Variants in THSD4 observed in about 807,000 individuals in gnomAD.
The protein encoded by THSD4 is thrombospondin type-1 domain-containing protein 4.
A neutral mutation model predicts 119.0 loss-of-function variants in THSD4; 69 were observed. That is an observed-to-expected ratio of 0.58 (90% CI 0.48 to 0.71). THSD4 has a LOEUF of 0.71. THSD4 is among the 30% of genes least tolerant of loss of function. The probability of loss-of-function intolerance (pLI) is 0.00; values close to 1 mark genes in which losing one functional copy is unlikely to be tolerated. For synonymous variants in THSD4, 524 were observed against 540.4 expected (o/e 0.97, Z 0.42); for missense variants, 1,393 against 1,391.1 (o/e 1.00, Z -0.02).
intron 1 of THSD4, among the ~76,000 whole-genome samples, chr15:71,109,073 T>C (rs2040286605): frequency 6.6e-6 from 1 of 152,142 alleles, no homozygotes; most frequent in African/African-American, 2.4e-5. Context: ...AATTCTGAGA[T>C]TTTTAAATAA....
In THSD4 at chr15:71,748,423, C is replaced by T; in HGVS notation, c.2244C>T (p.Cys748=). Reference sequence around the variant, plus strand: ...GACGTCAGTGTGCTGTGTTTCAGTGCTCGGTGCCCTGCGGCGTGGGACAGA... The same window carrying T: ...GACGTCAGTGTGCTGTGTTTCAGTGTTCGGTGCCCTGCGGCGTGGGACAGA... ...EWQIRTDWTS[C]SVPCGVGQRT... The change falls in exon 14 of 18, where the codon TGC becomes TGT. Residue 748 remains cysteine, a splice_region_variant and synonymous_variant. Transcript: ENST00000261862. 6.2e-7 allele frequency: 1 copy of T among 1,614,094 alleles called. No individual in the cohort carries two copies. The highest frequency in any genetic ancestry group is 8.5e-7 in the Non-Finnish European group (1 of 1,179,974).
intron 7 of THSD4, among the ~76,000 whole-genome samples, chr15:71,522,926 C>A (rs28735464): frequency 0.067 from 10,165 of 152,200 alleles, 1,038 homozygotes; most frequent in African/African-American, 0.22. Context: ...TGAACCACGG[C>A]AAAGGGGCAG....
chr15:71,577,822 G>A (rs536957098), intron 7 of THSD4, among the ~76,000 whole-genome samples: 110 of 151,394 alleles, frequency 7.3e-4, no homozygotes, highest in Non-Finnish European at 1.4e-3. Context: ...CTGAGTTCAC[G>A]TTATTCTTCT....
intron 7 of THSD4, among the ~76,000 whole-genome samples, chr15:71,533,332 C>T (rs78386597): frequency 0.066 from 10,049 of 152,240 alleles, 378 homozygotes; most frequent in Middle Eastern, 0.099. Flanking sequence ...CTTCTGATCA[C>T]TTTTTCTGTG....
intron 6 of THSD4, among the ~76,000 whole-genome samples, chr15:71,390,170 G>A (rs1184594514): frequency 6.6e-6 from 1 of 152,076 alleles, no homozygotes; most frequent in Non-Finnish European, 1.5e-5. Flanking sequence ...AACAAAGCAG[G>A]AAATGCTCAC....
chr15:71,638,134 A>C (rs1374570501), intron 7 of THSD4, among the ~76,000 whole-genome samples: 1 of 152,230 alleles, frequency 6.6e-6, no homozygotes, highest in Non-Finnish European at 1.5e-5. Flanking sequence ...TGCAGGAAGC[A>C]TCAAGCTTGG....
At chr15:71,617,403 T>C (rs538308489) in intron 7 of THSD4, among the ~76,000 whole-genome samples, 576 of 152,372 alleles carry the variant, frequency 3.8e-3, no homozygotes, top group Admixed American at 6.3e-3. Flanking sequence ...CATTGCCTTC[T>C]CTTTTTCTTC....
intron 7 of THSD4, among the ~76,000 whole-genome samples, chr15:71,483,443 T>C (rs1341117218): frequency 2.6e-5 from 4 of 152,160 alleles, no homozygotes; most frequent in Admixed American, 2.6e-4. Context: ...TCAGGGAGAA[T>C]GATGTTCTAA....
At chr15:71,126,669 G>A (rs977643997) in intron 1 of THSD4, among the ~76,000 whole-genome samples, 15 of 152,112 alleles carry the variant, frequency 9.9e-5, no homozygotes, top group Admixed American at 5.2e-4. Context: ...ACTTTGAAGC[G>A]GCCATCATAA....
At chr15:71,486,838 T>G (rs1369185018) in intron 7 of THSD4, among the ~76,000 whole-genome samples, 4 of 152,144 alleles carry the variant, frequency 2.6e-5, no homozygotes, top group Admixed American at 2.6e-4. Flanking sequence ...GCTAACCCCC[T>G]GGCTCAAGAG....
intron 8 of THSD4, among the ~76,000 whole-genome samples, chr15:71,706,788 T>C (rs1182972710): frequency 6.6e-6 from 1 of 152,170 alleles, no homozygotes; most frequent in Non-Finnish European, 1.5e-5. Context: ...CGCATGACCT[T>C]TGCAGGTGCG....
rs73431425 is a variant in THSD4 at position 71,160,030 on chromosome 15, G to A, written c.99+5098G>A. 7.9e-3 allele frequency among the ~76,000 whole-genome samples: 1,206 copies of A among 152,126 alleles called. 17 individuals are homozygous for A. The highest frequency in any genetic ancestry group is 0.027 in the African/African-American group (1,115 of 41,520). ...TTTGTTGACAGTTATTATCATGAAG[G>A]AATGTTGAATTTTGTCATTTGCTTT... is the stretch of plus-strand genomic sequence containing the variant. On this transcript the variant is annotated intron_variant, in intron 3 of 17. Coordinates refer to ENST00000261862, the MANE Select transcript of THSD4 (RefSeq NM_024817.3).
intron 7 of THSD4, among the ~76,000 whole-genome samples, chr15:71,658,220 A>G (rs530371502): frequency 9.9e-5 from 15 of 152,190 alleles, no homozygotes; most frequent in Admixed American, 2.0e-4. Context: ...TAATTCTTCA[A>G]TCTGGCAAAC....
At chr15:71,138,970 T>TC (rs1323152943) in intron 1 of THSD4, among the ~76,000 whole-genome samples, 4 of 140,826 alleles carry the variant, frequency 2.8e-5, no homozygotes, top group African/African-American at 1.2e-4. Flanking sequence ...ACAAACAGTA[T>TC]CCCTCCCCCC....
chr15:71,734,521 G>A (rs986943039), intron 10 of THSD4, among the ~76,000 whole-genome samples: 1 of 152,142 alleles, frequency 6.6e-6, no homozygotes, highest in Non-Finnish European at 1.5e-5. Context: ...GGTGGAACAG[G>A]GAGGATTTCA....
chr15:71,401,410 C>T (rs532606373), intron 6 of THSD4, among the ~76,000 whole-genome samples: 3 of 152,198 alleles, frequency 2.0e-5, no homozygotes, highest in Admixed American at 2.0e-4. Flanking sequence ...TTCTATTCCA[C>T]GTTATGTGTG....
intron 6 of THSD4, among the ~76,000 whole-genome samples, chr15:71,287,932 A>G (rs2044738595): frequency 6.6e-6 from 1 of 152,200 alleles, no homozygotes; most frequent in South Asian, 2.1e-4. Flanking sequence ...CCTCAAATCA[A>G]TTTGGGAAAT....
chr15:71,600,082 C>G (rs146202876), intron 7 of THSD4, among the ~76,000 whole-genome samples: 1 of 152,284 alleles, frequency 6.6e-6, no homozygotes, highest in Non-Finnish European at 1.5e-5. Context: ...CAAAGTGTTT[C>G]TTTTTTAAGA....
At chr15:71,711,778 TCAAAA>T (rs1316342984) in intron 8 of THSD4, among the ~76,000 whole-genome samples, 1 of 151,864 alleles carries the variant, frequency 6.6e-6, no homozygotes, top group Non-Finnish European at 1.5e-5. Context: ...AAAGTAGACT[TCAAAA>T]CAAGGAAACA....
Sources: allele counts gnomAD v4.1 joint callset (sites outside exome capture counted in the v4.1 genomes callset), GRCh38; gene constraint gnomAD v4.1.1; transcripts MANE v1.5; gene names NCBI Gene and HGNC (gene_info 2026-07-23, HGNC 2026-07-21).